PTHLH: variants seen among roughly 807,000 people sequenced by gnomAD.
The protein encoded by PTHLH is parathyroid hormone like hormone.
PTHLH carries 5 observed loss-of-function variants against 18.6 expected under a neutral mutation model. That is an observed-to-expected ratio of 0.27 (90% CI 0.14 to 0.56). PTHLH has a LOEUF of 0.56. Ranked by LOEUF, PTHLH falls within the 20% of genes least tolerant of loss-of-function variation. PTHLH has a pLI of 0.92. For missense variants in PTHLH, 207 were observed against 223.9 expected (o/e 0.92, Z 0.48); for synonymous variants, 90 against 94.0 (o/e 0.96, Z 0.25).
At chr12:27,969,734 AAG>A (rs2062851889) in intron 3 of PTHLH, 1 of 732,854 alleles carries the variant, frequency 1.4e-6, no homozygotes, top group Non-Finnish European at 2.5e-6. Context: ...CACAGCCAGA[AAG>A]AGCAAAAAGG....
At chr12:27,961,291 A>ATATATATATAAGTG (rs1565520034) in intron 5 of PTHLH, among the ~76,000 whole-genome samples, 1 of 24,382 alleles carries the variant, frequency 4.1e-5, no homozygotes, top group Non-Finnish European at 8.8e-5. Context: ...ATATACGTAT[A>ATATATATATAAGTG]TATATATACG....
intron 4 of PTHLH, among the ~76,000 whole-genome samples, 195 bp from the exon 5 acceptor site, chr12:27,963,965 T>C (rs1565522172): frequency 6.6e-6 from 1 of 152,126 alleles, no homozygotes; most frequent in Non-Finnish European, 1.5e-5. Flanking sequence ...AGGCTCCAGC[T>C]CATGGTCCCA....
At chr12:27,968,052 G>T (rs1490844192) in intron 4 of PTHLH, among the ~76,000 whole-genome samples, 1 of 152,154 alleles carries the variant, frequency 6.6e-6, no homozygotes, top group African/African-American at 2.4e-5. Flanking sequence ...TTCTATTTAT[G>T]TATGAATTTC....
In PTHLH at chr12:27,958,113, G is replaced by C. The variant is rs2062726817; in HGVS notation, c.*446C>G. The stretch of plus-strand genomic sequence containing the variant: ...GATGTAATTAGATTATATTTTATTA[G>C]ACATTCTTTACAAATTTAAAATACT... On this transcript the variant is annotated 3_prime_UTR_variant, in exon 6 of 6. Coordinates refer to ENST00000545234, the MANE Select transcript of PTHLH (RefSeq NM_198965.2). 1 of 152,402 alleles carries C rather than the reference G, an allele frequency of 6.6e-6. No homozygotes were observed. Among genetic ancestry groups the C allele is most frequent in the African/African-American group, 2.4e-5 (1 of 41,400 alleles). 9.4% of individuals were successfully genotyped at this position (152,402 alleles called of 1,614,324 possible). A position where few individuals can be genotyped will look rare whatever the true frequency, so the allele number is the denominator to read the frequency against.
At chr12:27,968,377 G>C (rs2120663019) in intron 4 of PTHLH, among the ~76,000 whole-genome samples, 1 of 152,304 alleles carries the variant, frequency 6.6e-6, no homozygotes, top group South Asian at 2.1e-4. Flanking sequence ...GTAAATATTA[G>C]ATACTGCTAT....
At chr12:27,961,289 A>ATATATATATAAG (rs1216700849) in intron 5 of PTHLH, among the ~76,000 whole-genome samples, 20 of 31,572 alleles carry the variant, frequency 6.3e-4, no homozygotes, top group Non-Finnish European at 1.0e-3. Flanking sequence ...ATATATACGT[A>ATATATATATAAG]TATATATATA....
At chr12:27,971,536 C>A (rs75331196) in intron 2 of PTHLH, among the ~76,000 whole-genome samples, 5,491 of 152,046 alleles carry the variant, frequency 0.036, 332 homozygotes, top group African/African-American at 0.13. Context: ...CTTTATCAAG[C>A]CCGACTTTCC....
rs757787120 is a variant in PTHLH at position 27,963,521 on chromosome 12, C to T, written c.351G>A (p.Gln117=). 14 of 1,614,224 alleles carry T rather than the reference C, an allele frequency of 8.7e-6. 1 individual carries two copies. The South Asian group carries it at 1.3e-4, about 15-fold the overall frequency. ...ETNKVETYKE[Q]PLKTPGKKKK... ...TTTTCTTCCCAGGTGTCTTGAGCGGCTGCTCTTTGTACGTCTCCACCTTGT... is the reference window on the plus strand; with the variant it reads ...TTTTCTTCCCAGGTGTCTTGAGCGGTTGCTCTTTGTACGTCTCCACCTTGT... Residue 117 remains glutamine, a synonymous_variant, in exon 5 of 6, where the codon CAG becomes CAA. Coordinates refer to ENST00000545234, the MANE Select transcript of PTHLH (RefSeq NM_198965.2).
chr12:27,958,584 A>T lies in PTHLH; in HGVS notation c.525-16T>A. ...TCAATGCCTCCTGCAAAAAGAAGGA[A>T]GAGAAAGAAAAGGAGAAAACAGGTT... On this transcript the variant is annotated splice_polypyrimidine_tract_variant and intron_variant, in intron 5 of 5. Transcript: ENST00000545234. 1 of 1,565,260 alleles carries T rather than the reference A, an allele frequency of 6.4e-7. No homozygotes were observed. The highest frequency in any genetic ancestry group is 8.7e-7 in the Non-Finnish European group (1 of 1,153,278).
chr12:27,969,658 C>A (rs1306966422), intron 3 of PTHLH, 142 bp from the exon 4 acceptor site: 1 of 810,504 alleles, frequency 1.2e-6, no homozygotes, highest in Admixed American at 1.7e-5. Flanking sequence ...AAAAAAATTT[C>A]TCTGGAGCCT....
intron 5 of PTHLH, among the ~76,000 whole-genome samples, chr12:27,958,829 T>A (rs1373518448): frequency 6.6e-6 from 1 of 152,220 alleles, no homozygotes; most frequent in South Asian, 2.1e-4. Flanking sequence ...CCAATCATGC[T>A]GTCAGAAAAA....
chr12:27,971,741 A>G (rs1411242561), intron 2 of PTHLH, among the ~76,000 whole-genome samples, 186 bp downstream of exon 2: 5 of 152,076 alleles, frequency 3.3e-5, no homozygotes, highest in Non-Finnish European at 5.9e-5. Flanking sequence ...CCGTACCTTA[A>G]AAGACTCGGC....
intron 4 of PTHLH, among the ~76,000 whole-genome samples, chr12:27,968,580 C>G (rs907738622): frequency 2.0e-5 from 3 of 152,182 alleles, no homozygotes; most frequent in African/African-American, 7.2e-5. Flanking sequence ...TATCACTCTT[C>G]CAAGTTTTCA....
At chr12:27,971,221 T>G (rs1404271429) in intron 2 of PTHLH, among the ~76,000 whole-genome samples, 3 of 152,220 alleles carry the variant, frequency 2.0e-5, no homozygotes, top group African/African-American at 7.2e-5. Flanking sequence ...AGCGGACAGA[T>G]GCAGTGGAAC....
chr12:27,960,046 T>C (rs891877520), intron 5 of PTHLH, among the ~76,000 whole-genome samples: 1 of 152,236 alleles, frequency 6.6e-6, no homozygotes, highest in Non-Finnish European at 1.5e-5. Flanking sequence ...AAATCTTCTA[T>C]GTATCTCACC....
intron 4 of PTHLH, among the ~76,000 whole-genome samples, chr12:27,964,245 T>G (rs1348063512): frequency 1.7e-5 from 1 of 59,428 alleles, no homozygotes; most frequent in Non-Finnish European, 4.2e-5. Flanking sequence ...TCTCTCTCTC[T>G]CTCTCTCTCT....
chr12:27,962,951 T>C, intron 5 of PTHLH: 1 of 1,115,718 alleles, frequency 9.0e-7, no homozygotes, highest in Admixed American at 4.6e-5. Context: ...TGAAAGAACG[T>C]AAGAAATGAA....
Position 27,969,114 on chromosome 12 carries a change from G to A in PTHLH, c.101+280C>T, listed in dbSNP as rs2062843016. On this transcript the variant is annotated intron_variant, in intron 4 of 5. Coordinates refer to ENST00000545234, the MANE Select transcript of PTHLH (RefSeq NM_198965.2). ...CAACTTTTTTTCTTTTCCACTAGAGGCAGAGGATCTTTCCCTAGAAGAGAT... is the reference window on the plus strand; with the variant it reads ...CAACTTTTTTTCTTTTCCACTAGAGACAGAGGATCTTTCCCTAGAAGAGAT... 1.5e-5 allele frequency: 7 copies of A among 452,582 alleles called. No homozygotes were observed. In the South Asian group the frequency reaches 1.7e-4, roughly 11 times the overall value. The allele number at this position is 452,582 out of a possible 1,614,324, so 28.0% of individuals were successfully genotyped here. A position where few individuals can be genotyped will look rare whatever the true frequency, so the allele number is the denominator to read the frequency against.
chr12:27,967,779 A>G (rs1423681711), intron 4 of PTHLH, among the ~76,000 whole-genome samples: 2 of 152,244 alleles, frequency 1.3e-5, no homozygotes, highest in Non-Finnish European at 2.9e-5. Context: ...CAAAACTATA[A>G]CAGTCGCTGG....
Sources: gnomAD v4.1 joint callset for allele counts (sites outside exome capture counted in the v4.1 genomes callset) on GRCh38, gnomAD v4.1.1 for gene constraint, MANE v1.5 for transcripts, NCBI Gene and HGNC (gene_info 2026-07-23, HGNC 2026-07-21) for gene names.